Variants in OR7E24 observed in about 807,000 individuals in gnomAD.
OR7E24 encodes the protein olfactory receptor 7E24.
For missense variants in OR7E24, 385 were observed against 410.3 expected, an observed-to-expected ratio of 0.94 and a Z score of 0.53; for synonymous variants, 130 against 157.5, an observed-to-expected ratio of 0.83 and a Z score of 1.31.
the OR7E24 span, among the ~76,000 whole-genome samples, chr19:9,218,843 A>G: frequency 3.3e-5 from 5 of 152,228 alleles, no homozygotes; most frequent in East Asian, 3.9e-4. Context: ...CATGTTAGCC[A>G]GGCTGGTCTC....
chr19:9,225,310 C>T, the OR7E24 span, among the ~76,000 whole-genome samples: 1 of 151,474 alleles, frequency 6.6e-6, no homozygotes, highest in African/African-American at 2.4e-5. Flanking sequence ...GCAGAGGTTG[C>T]AGTGAGCCAA....
chr19:9,238,056 C>T, the OR7E24 span, among the ~76,000 whole-genome samples: 2 of 152,016 alleles, frequency 1.3e-5, no homozygotes, highest in South Asian at 4.1e-4. Flanking sequence ...GTGGGTGGAT[C>T]ACTTGAGGCC....
upstream of OR7E24, among the ~76,000 whole-genome samples, chr19:9,244,834 T>C (rs1222381129): frequency 6.6e-6 from 1 of 152,150 alleles, no homozygotes; most frequent in East Asian, 1.9e-4. Flanking sequence ...GTAAATCATA[T>C]ATATATGCTT....
chr19:9,235,310 AC>A, the OR7E24 span: 1 of 1,259,060 alleles, frequency 7.9e-7, no homozygotes, highest in East Asian at 2.3e-5. Flanking sequence ...TCCCACCTCC[AC>A]AGCCCCATGT....
the OR7E24 span, among the ~76,000 whole-genome samples, chr19:9,231,557 G>T: frequency 6.7e-6 from 1 of 148,640 alleles, no homozygotes; most frequent in African/African-American, 2.5e-5. Flanking sequence ...TCCAGCCTAG[G>T]CAATAGAGCA....
the OR7E24 span, among the ~76,000 whole-genome samples, chr19:9,222,992 G>C: frequency 6.6e-6 from 1 of 152,154 alleles, no homozygotes; most frequent in African/African-American, 2.4e-5. Context: ...CTAACTCATT[G>C]AGTCTTTATC....
chr19:9,221,226 C>G, the OR7E24 span, among the ~76,000 whole-genome samples: 13 of 149,012 alleles, frequency 8.7e-5, no homozygotes, highest in Admixed American at 8.0e-4. Context: ...GAGCCGAGAT[C>G]GCGCCACTGC....
At chr19:9,237,087 G>A in the OR7E24 span, among the ~76,000 whole-genome samples, 1 of 152,120 alleles carries the variant, frequency 6.6e-6, no homozygotes, top group Non-Finnish European at 1.5e-5. Flanking sequence ...AGCTTTTCAA[G>A]TTGAAAGCTG....
chr19:9,239,791 C>A, the OR7E24 span, among the ~76,000 whole-genome samples: 1 of 150,116 alleles, frequency 6.7e-6, no homozygotes, highest in Non-Finnish European at 1.5e-5. Flanking sequence ...TCACTGCAAC[C>A]TCCGCCTCCC....
At chr19:9,236,983 G>A in the OR7E24 span, among the ~76,000 whole-genome samples, 1 of 152,136 alleles carries the variant, frequency 6.6e-6, no homozygotes, top group African/African-American at 2.4e-5. Flanking sequence ...TTTCTCAGAG[G>A]AAGAGATTGA....
chr19:9,250,318 C>T (rs1465163877), upstream of OR7E24, among the ~76,000 whole-genome samples: 2 of 152,148 alleles, frequency 1.3e-5, no homozygotes, highest in Non-Finnish European at 2.9e-5. Flanking sequence ...CGGTCTTAAA[C>T]TCACATCCTC....
chr19:9,213,761 C>T, the OR7E24 span: 5 of 651,346 alleles, frequency 7.7e-6, no homozygotes, highest in African/African-American at 9.3e-5. Context: ...ATAACAACAA[C>T]AAACAACCCA....
chr19:9,220,576 G>A, the OR7E24 span, among the ~76,000 whole-genome samples: 1 of 152,136 alleles, frequency 6.6e-6, no homozygotes, highest in Non-Finnish European at 1.5e-5. Flanking sequence ...ATATTCCATT[G>A]TGTATATATA....
the OR7E24 span, chr19:9,235,354 A>G: frequency 2.9e-6 from 4 of 1,397,754 alleles, no homozygotes; most frequent in Non-Finnish European, 4.1e-6. Flanking sequence ...CTTTGTGGAC[A>G]CCTGTTTCAT....
At chr19:9,251,079 CA>C (rs780868485) in intron 1 of OR7E24, 1 of 1,593,054 alleles carries the variant, frequency 6.3e-7, no homozygotes, top group South Asian at 1.1e-5. Context: ...TTTTTTTCCT[CA>C]AAAGGTGTCC....
At chr19:9,227,112 T>C in the OR7E24 span, among the ~76,000 whole-genome samples, 1 of 152,220 alleles carries the variant, frequency 6.6e-6, no homozygotes, top group Non-Finnish European at 1.5e-5. Flanking sequence ...GTTCCCATCA[T>C]TTAGCTTTCA....
chr19:9,250,902 A>G, upstream of OR7E24: 1 of 640,380 alleles, frequency 1.6e-6, no homozygotes, highest in South Asian at 2.1e-5. Context: ...ATAACACAAA[A>G]TCAATTATGA....
chr19:9,244,045 G>C (rs2066123025), upstream of OR7E24, among the ~76,000 whole-genome samples: 1 of 152,076 alleles, frequency 6.6e-6, no homozygotes, highest in Admixed American at 6.6e-5. Flanking sequence ...CACTGTGTTG[G>C]GATTCAACAG....
chr19:9,251,288 C>A lies in OR7E24; in HGVS notation c.245C>A (p.Ser82Tyr). Residue 82 changes from serine to tyrosine, a missense_variant, in exon 1 of 1, where the codon TCC becomes TAC. Ser to Tyr is a moderately radical substitution (Grantham distance 144). Transcript: ENST00000456448. ...HLHTPMYFFL[S>Y]NLSLADIGFT... ...CACACCCCCATGTACTTCTTCCTCT[C>A]CAACCTGTCCTTGGCTGACATCGGT... 6.2e-7 allele frequency: 1 copy of A among 1,614,154 alleles called. No individual in the cohort carries two copies. Among genetic ancestry groups the A allele is most frequent in the Non-Finnish European group, 8.5e-7 (1 of 1,180,032 alleles).
Sources: gnomAD v4.1 joint callset for allele counts (sites outside exome capture counted in the v4.1 genomes callset) on GRCh38, gnomAD v4.1.1 for gene constraint, MANE v1.5 for transcripts, NCBI Gene and HGNC (gene_info 2026-07-23, HGNC 2026-07-21) for gene names.